The following ARMC10 variants were observed in gnomAD, a reference collection of about 807,000 sequenced individuals.
ARMC10 encodes armadillo repeat-containing protein 10.
ARMC10 carries 23 observed loss-of-function variants against 30.2 expected under a neutral mutation model. The observed-to-expected ratio is 0.76, with a 90% CI of 0.55 to 1.08. ARMC10 has a LOEUF of 1.08. Among genes scored for constraint, ARMC10 ranks in the 50% least tolerant of loss-of-function variants. The pLI, the probability that ARMC10 is intolerant of heterozygous loss-of-function variation, is 0.00. For missense variants in ARMC10, 303 were observed against 413.7 expected, an observed-to-expected ratio of 0.73 and a Z score of 2.32; for synonymous variants, 111 against 164.4, an observed-to-expected ratio of 0.68 and a Z score of 2.48.
chr7:103,084,681 C>T (rs911150388), intron 3 of ARMC10, among the ~76,000 whole-genome samples: 2 of 152,208 alleles, frequency 1.3e-5, no homozygotes, highest in Non-Finnish European at 2.9e-5. Context: ...AGAGTTCTCT[C>T]TTTCTCTACC....
chr7:103,090,432 G>A (rs1801209974), intron 4 of ARMC10, among the ~76,000 whole-genome samples: 1 of 152,232 alleles, frequency 6.6e-6, no homozygotes, highest in African/African-American at 2.4e-5. Flanking sequence ...AGCCACGACA[G>A]GAGATTGCTG....
At chr7:103,076,845 AAACAAAC>A (rs1563314142) in intron 2 of ARMC10, among the ~76,000 whole-genome samples, 1 of 7,738 alleles carries the variant, frequency 1.3e-4, no homozygotes, top group Admixed American at 0.01. Context: ...AAAAAACAAA[AAACAAAC>A]AAAAAGATTT....
intron 3 of ARMC10, among the ~76,000 whole-genome samples, chr7:103,086,360 T>C (rs1400181780): frequency 6.6e-6 from 1 of 152,194 alleles, no homozygotes; most frequent in African/African-American, 2.4e-5. Context: ...AAGATCGTTA[T>C]AGTATCTCTA....
intron 5 of ARMC10, chr7:103,095,952 G>T (rs1025662233): frequency 6.1e-5 from 9 of 147,832 alleles, no homozygotes; most frequent in Admixed American, 2.0e-4. Flanking sequence ...GGGGAGGGGG[G>T]AGGGATAGCA....
At chr7:103,087,803 A>G (rs866430828) in intron 4 of ARMC10, 2 of 984,952 alleles carry the variant, frequency 2.0e-6, no homozygotes, top group African/African-American at 1.7e-5. Context: ...GTGAGGAGCT[A>G]TGCAGAAGTG....
At position 103,075,264 on chromosome 7, in the gene ARMC10, G is replaced by T; in HGVS notation, c.-9G>T. 1 of 1,197,310 alleles carries T rather than the reference G, an allele frequency of 8.4e-7. No homozygotes were observed. Among genetic ancestry groups the T allele is most frequent in the Non-Finnish European group, 1.0e-6 (1 of 965,610 alleles). 74.2% of individuals were successfully genotyped at this position (1,197,310 alleles called of 1,614,324 possible). A position where few individuals can be genotyped will look rare whatever the true frequency, so the allele number is the denominator to read the frequency against. Reference sequence around the variant, plus strand: ...TGGCCCGGCGCTGCGGCTCTGCCGCGGCGGCAGCATGGGTGGCCCCCGGGG... The same window carrying T: ...TGGCCCGGCGCTGCGGCTCTGCCGCTGCGGCAGCATGGGTGGCCCCCGGGG... On this transcript the variant is annotated 5_prime_UTR_variant, in exon 1 of 7. Transcript: ENST00000323716.
At chr7:103,079,961 G>A (rs1245831258) in intron 2 of ARMC10, among the ~76,000 whole-genome samples, 1 of 152,176 alleles carries the variant, frequency 6.6e-6, no homozygotes, top group Non-Finnish European at 1.5e-5. Flanking sequence ...CAGTTATCTT[G>A]AAATTTGTCT....
In ARMC10 at chr7:103,083,647, T is replaced by G; in HGVS notation, c.245-35T>G. On this transcript the variant is annotated intron_variant, in intron 2 of 6. Coordinates refer to ENST00000323716, the MANE Select transcript of ARMC10 (RefSeq NM_031905.5). ...TTTCAAAAATAACCTCGTATTGATTTTAGCTTAACTTCAAATAACTTTCTT... is the reference window on the plus strand; with the variant it reads ...TTTCAAAAATAACCTCGTATTGATTGTAGCTTAACTTCAAATAACTTTCTT... 3.2e-6 allele frequency: 5 copies of G among 1,578,896 alleles called. No homozygotes were observed. The South Asian group carries it at 5.6e-5, about 18-fold the overall frequency.
At chr7:103,075,717 C>A in intron 1 of ARMC10, 60 bp from the exon 2 acceptor site, 1 of 1,293,632 alleles carries the variant, frequency 7.7e-7, no homozygotes, top group South Asian at 1.5e-5. Flanking sequence ...TAAAGGGATT[C>A]TCCCGATTGT....
At chr7:103,081,039 T>C (rs980344212) in intron 2 of ARMC10, among the ~76,000 whole-genome samples, 1 of 152,200 alleles carries the variant, frequency 6.6e-6, no homozygotes, top group African/African-American at 2.4e-5. Flanking sequence ...CAGCTATGTG[T>C]CCCATTAATG....
rs766663291 is a variant in ARMC10 at position 103,075,827 on chromosome 7, C to G, written c.190C>G (p.Arg64Gly). ...SEGQLCGRSA[R>G]PQTGGTWESQ... ...GGGTCAGTTGTGCGGGCGCTCGGCC[C>G]GGCCTCAGACGGGAGGTACCTGGGA... Residue 64 changes from arginine to glycine, a missense_variant, in exon 2 of 7, where the codon CGG (arginine) becomes GGG (glycine). Arg to Gly is a moderately radical substitution (Grantham distance 125). This residue lies in a region of ARMC10 where 96 missense variants were observed against 84.2 expected (regional missense o/e 1.14). Coordinates refer to ENST00000323716, the MANE Select transcript of ARMC10 (RefSeq NM_031905.5). The G allele has an allele frequency of 8.7e-6, 14 of 1,610,958 alleles. No individual in the cohort carries two copies. In the East Asian group the frequency reaches 2.2e-4, roughly 26 times the overall value.
At chr7:103,093,544 T>C (rs560682599) in intron 5 of ARMC10, among the ~76,000 whole-genome samples, 1 of 152,214 alleles carries the variant, frequency 6.6e-6, no homozygotes, top group Non-Finnish European at 1.5e-5. Flanking sequence ...CCAAAAGGTA[T>C]TGAAAATTAA....
At chr7:103,095,498 TC>T (rs1801685305) in intron 5 of ARMC10, among the ~76,000 whole-genome samples, 1 of 152,220 alleles carries the variant, frequency 6.6e-6, no homozygotes, top group Admixed American at 6.5e-5. Context: ...ATGGTAAACA[TC>T]TGTTGCCTTT....
chr7:103,092,001 C>T (rs1287368507), intron 4 of ARMC10, among the ~76,000 whole-genome samples: 1 of 152,156 alleles, frequency 6.6e-6, no homozygotes, highest in Non-Finnish European at 1.5e-5. Flanking sequence ...CCAAAGGAAG[C>T]TTTTAAAAAG....
Position 103,077,443 on chromosome 7 carries a change from T to C in ARMC10, c.244+1562T>C, listed in dbSNP as rs959537569. Reference sequence around the variant, plus strand: ...TGAGAAGTCCAAGATTGAGGGGCCGTAGCTGGTAAGGGCTTTCTTGTTGTG... The same window carrying C: ...TGAGAAGTCCAAGATTGAGGGGCCGCAGCTGGTAAGGGCTTTCTTGTTGTG... On this transcript the variant is annotated intron_variant, in intron 2 of 6. Transcript: ENST00000323716. Among the ~76,000 whole-genome samples, 9 of 152,154 alleles carry C rather than the reference T, an allele frequency of 5.9e-5. No homozygotes were observed. The East Asian group carries it at 1.7e-3, about 29-fold the overall frequency.
rs770143834 is a variant in ARMC10, at chr7:103,092,666, A to T, written c.705+13A>T. 6.5e-6 allele frequency: 10 copies of T among 1,537,294 alleles called. No individual in the cohort carries two copies. Among genetic ancestry groups the T allele is most frequent in the Non-Finnish European group, 8.9e-6 (10 of 1,123,922 alleles). On this transcript the variant is annotated intron_variant, in intron 5 of 6. Transcript: ENST00000323716. The stretch of plus-strand genomic sequence containing the variant: ...TGGAAACACGAAGGTATGAAGAGCT[A>T]TTGTGTCAAGCTTATTAACATTGAA...
chr7:103,081,631 T>A (rs938465495), intron 2 of ARMC10, among the ~76,000 whole-genome samples: 1 of 152,220 alleles, frequency 6.6e-6, no homozygotes, highest in African/African-American at 2.4e-5. Context: ...CGCCTCAGCC[T>A]CCCAAAGTGC....
intron 5 of ARMC10, among the ~76,000 whole-genome samples, chr7:103,095,255 G>A (rs1801666684): frequency 6.6e-6 from 1 of 152,082 alleles, no homozygotes; most frequent in Admixed American, 6.5e-5. Flanking sequence ...CACCACGCCT[G>A]GCTGATTTTT....
At chr7:103,095,557 T>TGA (rs1801688705) in intron 5 of ARMC10, among the ~76,000 whole-genome samples, 1 of 152,044 alleles carries the variant, frequency 6.6e-6, no homozygotes, top group African/African-American at 2.4e-5. Context: ...TTCCCAGCTC[T>TGA]AGTGAAGAGC....
Sources: gnomAD v4.1 joint callset for allele counts (sites outside exome capture counted in the v4.1 genomes callset) on GRCh38, gnomAD v4.1.1 for gene constraint, gnomAD v4.1.1 regional missense constraint, MANE v1.5 for transcripts, NCBI Gene and HGNC (gene_info 2026-07-23, HGNC 2026-07-21) for gene names.